PACSIN2: variants seen among roughly 807,000 people sequenced by gnomAD.
PACSIN2 encodes protein kinase C and casein kinase substrate in neurons protein 2.
A neutral mutation model predicts 63.8 loss-of-function variants in PACSIN2; 25 were observed. The observed-to-expected ratio is 0.39, with a 90% CI of 0.29 to 0.55. The LOEUF is 0.55. PACSIN2 is among the 20% of genes least tolerant of loss of function. PACSIN2 has a pLI of 0.62. For missense variants in PACSIN2, 518 were observed against 646.9 expected (o/e 0.80, Z 2.16); for synonymous variants, 255 against 256.2 (o/e 1.00, Z 0.05).
In PACSIN2 at chr22:42,913,033, T is replaced by C. The variant is rs541664342; in HGVS notation, c.-77-876A>G. 4.7e-4 allele frequency among the ~76,000 whole-genome samples: 71 copies of C among 152,346 alleles called. 1 individual carries two copies. Among genetic ancestry groups the C allele is most frequent in the Admixed American group, 9.1e-4 (14 of 15,308 alleles). Reference sequence around the variant, plus strand: ...TCATATGTAATCACATGAATCTTCATGATTCTCTGTGACACAGCCTGGAAT... The same window carrying C: ...TCATATGTAATCACATGAATCTTCACGATTCTCTGTGACACAGCCTGGAAT... On this transcript the variant is annotated intron_variant, in intron 1 of 10. Transcript: ENST00000263246.
At chr22:42,882,360 C>T (rs1261979910) in intron 6 of PACSIN2, 56 bp from the exon 7 acceptor site, 3 of 1,560,824 alleles carry the variant, frequency 1.9e-6, no homozygotes, top group Admixed American at 1.8e-5. Context: ...TACCCTTTGT[C>T]CCAGCCCAGT....
At chr22:42,984,618 T>C (rs755574505) in intron 1 of PACSIN2, among the ~76,000 whole-genome samples, 1 of 152,174 alleles carries the variant, frequency 6.6e-6, no homozygotes, top group Admixed American at 6.5e-5. Flanking sequence ...GTGCAAAAAC[T>C]ACTCCCTTTA....
At chr22:43,009,863 C>CTTTTTTTTTTTTTTTTTTTTTTTT (rs762256300) in intron 1 of PACSIN2, among the ~76,000 whole-genome samples, 1 of 131,814 alleles carries the variant, frequency 7.6e-6, no homozygotes, top group African/African-American at 2.9e-5. Context: ...TTTATTTTTT[C>CTTTTTTTTTTTTTTTTTTTTTTTT]TATTTTTTTT....
intron 1 of PACSIN2, among the ~76,000 whole-genome samples, chr22:42,943,827 T>G (rs575568256): frequency 6.6e-6 from 1 of 152,174 alleles, no homozygotes; most frequent in African/African-American, 2.4e-5. Context: ...GAGGAAAACA[T>G]GAATGTGTCC....
chr22:42,994,332 A>G (rs967389625), intron 1 of PACSIN2, among the ~76,000 whole-genome samples: 1 of 152,184 alleles, frequency 6.6e-6, no homozygotes, highest in African/African-American at 2.4e-5. Flanking sequence ...AGGGAGGGAC[A>G]ACCCCAAACA....
chr22:42,960,001 T>C (rs1415307582), intron 1 of PACSIN2: 2 of 152,252 alleles, frequency 1.3e-5, no homozygotes, highest in South Asian at 2.1e-4. Context: ...TGCACGCTCC[T>C]GCCTGCTGTG....
At chr22:42,921,894 A>G (rs1276351738) in intron 1 of PACSIN2, among the ~76,000 whole-genome samples, 1 of 151,904 alleles carries the variant, frequency 6.6e-6, no homozygotes, top group African/African-American at 2.4e-5. Context: ...GCTCACCACC[A>G]TGCCAGGCTA....
chr22:42,884,553 C>T lies in PACSIN2; in HGVS notation c.618G>A (p.Glu206=), dbSNP rs1312888094. The T allele has an allele frequency of 2.5e-5, 40 of 1,613,094 alleles. No homozygotes were observed. The highest frequency in any genetic ancestry group is 3.2e-5 in the Non-Finnish European group (38 of 1,179,610). ...KCKQDVLKTK[E]KYEKSLKELD... ...GTTCCTTCAGGGACTTCTCATACTTCTCTTTGGTCTAAAGGAAAATCCAGG... is the reference window on the plus strand; with the variant it reads ...GTTCCTTCAGGGACTTCTCATACTTTTCTTTGGTCTAAAGGAAAATCCAGG... Residue 206 remains glutamate (E), a synonymous_variant, in exon 6 of 11, where the codon GAG becomes GAA. Transcript: ENST00000263246.
chr22:42,892,769 C>T (rs1007910887), intron 3 of PACSIN2, among the ~76,000 whole-genome samples: 6 of 152,208 alleles, frequency 3.9e-5, no homozygotes, highest in African/African-American at 1.4e-4. Context: ...TGGCTGAGGA[C>T]AGCTGGGGCT....
intron 1 of PACSIN2, among the ~76,000 whole-genome samples, chr22:43,014,089 C>T (rs1273629269): frequency 1.3e-5 from 2 of 152,278 alleles, no homozygotes; most frequent in East Asian, 3.9e-4. Flanking sequence ...GGAGCCGAAA[C>T]CCAATGAATC....
intron 1 of PACSIN2, among the ~76,000 whole-genome samples, chr22:42,926,762 T>A (rs759069024): frequency 2.7e-5 from 4 of 150,932 alleles, no homozygotes; most frequent in South Asian, 2.1e-4. Flanking sequence ...AGCCTAGGAG[T>A]TCAAGGCTGC....
Position 42,876,215 on chromosome 22 carries a change from TG to T in PACSIN2, c.1269del (p.Thr424ProfsTer22). ...NGDSNPFDDD[A>X]TSGTEVRVRA... is the part of the protein sequence containing the mutation. ...CGGACTCGCACTTCCGTCCCCGAGGTGGCGTCGTCGTCGAATGGATTCGAGT... is the reference window on the plus strand; with the variant it reads ...CGGACTCGCACTTCCGTCCCCGAGGTGCGTCGTCGTCGAATGGATTCGAGT... On this transcript the variant is annotated frameshift_variant, in exon 10 of 11. Coordinates refer to ENST00000263246, the MANE Select transcript of PACSIN2 (RefSeq NM_001184970.3). LOFTEE classifies it high-confidence loss of function. 6.2e-7 allele frequency: 1 copy of T among 1,614,142 alleles called. No individual in the cohort carries two copies. The highest frequency in any genetic ancestry group is 8.5e-7 in the Non-Finnish European group (1 of 1,180,018).
intron 2 of PACSIN2, among the ~76,000 whole-genome samples, chr22:42,903,262 T>C (rs1930829160): frequency 6.6e-6 from 1 of 152,154 alleles, no homozygotes; most frequent in South Asian, 2.1e-4. Context: ...CTGGGGAGGG[T>C]GTGCGTGTGC....
chr22:42,884,577 G>C lies in PACSIN2; in HGVS notation c.610-16C>G. On this transcript the variant is annotated splice_polypyrimidine_tract_variant and intron_variant, in intron 5 of 10. Transcript: ENST00000263246. ...TCTCTTTGGTCTAAAGGAAAATCCA[G>C]GCACAAGACAGAGGTTCATTTCCAT... 6.2e-7 allele frequency: 1 copy of C among 1,609,716 alleles called. No individual in the cohort carries two copies. The highest frequency in any genetic ancestry group is 8.5e-7 in the Non-Finnish European group (1 of 1,177,010).
chr22:42,905,249 C>T (rs112750968), intron 2 of PACSIN2, among the ~76,000 whole-genome samples: 75 of 152,372 alleles, frequency 4.9e-4, no homozygotes, highest in African/African-American at 1.7e-3. Flanking sequence ...GAAGACAGGT[C>T]TGTCTGCACA....
chr22:42,985,435 G>A (rs1471059958), intron 1 of PACSIN2, among the ~76,000 whole-genome samples: 1 of 152,186 alleles, frequency 6.6e-6, no homozygotes, highest in East Asian at 1.9e-4. Context: ...GCAGCAGATG[G>A]GCACACTCCA....
At chr22:42,906,909 C>T (rs1931114252) in intron 2 of PACSIN2, among the ~76,000 whole-genome samples, 1 of 152,216 alleles carries the variant, frequency 6.6e-6, no homozygotes, top group African/African-American at 2.4e-5. Flanking sequence ...TGTGGGTGTT[C>T]TCTGTAATTC....
chr22:42,874,975 C>T (rs564165264), intron 10 of PACSIN2, among the ~76,000 whole-genome samples: 1 of 152,076 alleles, frequency 6.6e-6, no homozygotes, highest in Non-Finnish European at 1.5e-5. Context: ...GTCAGCCTCC[C>T]GAGTAGCTGG....
chr22:42,913,314 T>C (rs2267471), intron 1 of PACSIN2, among the ~76,000 whole-genome samples: 1 of 151,962 alleles, frequency 6.6e-6, no homozygotes, highest in Non-Finnish European at 1.5e-5. Context: ...ACCCCGTCTC[T>C]ACTAAAAATA....
Sources: allele counts gnomAD v4.1 joint callset (sites outside exome capture counted in the v4.1 genomes callset), GRCh38; gene constraint gnomAD v4.1.1; transcripts MANE v1.5; gene names NCBI Gene and HGNC (gene_info 2026-07-23, HGNC 2026-07-21).